The following FNDC3B variants were observed in gnomAD, a reference collection of about 807,000 sequenced individuals.
FNDC3B encodes the protein fibronectin type III domain-containing protein 3B.
A neutral mutation model predicts 151.5 loss-of-function variants in FNDC3B; 12 were observed. The observed-to-expected ratio is 0.08, with a 90% CI of 0.05 to 0.13. FNDC3B has a LOEUF of 0.13. FNDC3B is among the 10% of genes least tolerant of loss of function. FNDC3B has a pLI of 1.00. For synonymous variants in FNDC3B, 528 were observed against 549.0 expected (o/e 0.96, Z 0.54); for missense variants, 1,214 against 1,505.3 (o/e 0.81, Z 3.20).
chr3:172,244,619 T>G (rs1281550053), intron 4 of FNDC3B, among the ~76,000 whole-genome samples: 6 of 47,140 alleles, frequency 1.3e-4, no homozygotes, highest in African/African-American at 7.9e-4. Flanking sequence ...TATTTCACCT[T>G]TTTTTTTTTT....
chr3:172,043,131 G>A (rs1351591721), intron 1 of FNDC3B, among the ~76,000 whole-genome samples: 3 of 152,074 alleles, frequency 2.0e-5, no homozygotes, highest in African/African-American at 4.8e-5. Flanking sequence ...TAGCCAGGCT[G>A]GTCACGAACT....
chr3:172,307,673 A>C (rs1054910718), intron 10 of FNDC3B, among the ~76,000 whole-genome samples, 172 bp downstream of exon 10: 48 of 152,190 alleles, frequency 3.2e-4, no homozygotes, highest in Non-Finnish European at 2.2e-4. Context: ...CACCCTGGGC[A>C]ACAGAGAAAG....
intron 3 of FNDC3B, among the ~76,000 whole-genome samples, chr3:172,146,306 A>T (rs1268890755): frequency 3.3e-5 from 5 of 152,186 alleles, no homozygotes; most frequent in Non-Finnish European, 7.3e-5. Context: ...CCCAAGGAAA[A>T]GGACATGTCT....
chr3:172,173,438 G>A (rs1394758123), intron 3 of FNDC3B, among the ~76,000 whole-genome samples: 1 of 152,078 alleles, frequency 6.6e-6, no homozygotes, highest in Admixed American at 6.6e-5. Context: ...TGAAGTCACT[G>A]CTTGTAAGAG....
chr3:172,297,838 A>G (rs1259233033), intron 8 of FNDC3B, among the ~76,000 whole-genome samples: 1 of 152,206 alleles, frequency 6.6e-6, no homozygotes, highest in Non-Finnish European at 1.5e-5. Flanking sequence ...TATTTCCTAT[A>G]AGAATTTTTT....
At chr3:172,120,429 C>T (rs1720474866) in intron 2 of FNDC3B, among the ~76,000 whole-genome samples, 1 of 152,138 alleles carries the variant, frequency 6.6e-6, no homozygotes, top group African/African-American at 2.4e-5. Context: ...CTGTCCCTCT[C>T]TTGTTCATGC....
At chr3:172,071,893 T>C (rs1021136296) in intron 1 of FNDC3B, among the ~76,000 whole-genome samples, 1 of 151,910 alleles carries the variant, frequency 6.6e-6, no homozygotes, top group Non-Finnish European at 1.5e-5. Flanking sequence ...GTTTTACAGA[T>C]AGAAACTGAG....
intron 23 of FNDC3B, among the ~76,000 whole-genome samples, chr3:172,376,283 T>C (rs1173158545): frequency 6.6e-6 from 1 of 152,226 alleles, no homozygotes; most frequent in African/African-American, 2.4e-5. Flanking sequence ...TCAGTAAATT[T>C]CTTTGTGACT....
At chr3:172,216,671 T>C (rs549043156) in intron 3 of FNDC3B, among the ~76,000 whole-genome samples, 2 of 152,276 alleles carry the variant, frequency 1.3e-5, no homozygotes, top group African/African-American at 4.8e-5. Flanking sequence ...AGACCCTGTC[T>C]CAAAATAAAT....
At position 172,161,932 on chromosome 3, in the gene FNDC3B, G is replaced by A. The variant is rs1576921459; in HGVS notation, c.187+28386G>A. 2.6e-5 allele frequency among the ~76,000 whole-genome samples: 4 copies of A among 151,664 alleles called. No individual in the cohort carries two copies. The South Asian group carries it at 8.3e-4, about 32-fold the overall frequency. Reference sequence around the variant, plus strand: ...CTTATTCTGTCTGGACATTTCAGTGGAATCATATAGTATGTGGTATTTTGT... The same window carrying A: ...CTTATTCTGTCTGGACATTTCAGTGAAATCATATAGTATGTGGTATTTTGT... On this transcript the variant is annotated intron_variant, in intron 3 of 25. Transcript: ENST00000415807.
chr3:172,108,873 A>G (rs1719815350), intron 1 of FNDC3B, among the ~76,000 whole-genome samples: 1 of 152,206 alleles, frequency 6.6e-6, no homozygotes, highest in South Asian at 2.1e-4. Context: ...AGCATAGACT[A>G]AGTCATTTCT....
chr3:172,364,468 C>T (rs1028993347), intron 23 of FNDC3B, among the ~76,000 whole-genome samples: 1 of 152,204 alleles, frequency 6.6e-6, no homozygotes, highest in African/African-American at 2.4e-5. Flanking sequence ...CTCCCAATTC[C>T]CCGTGCCCTG....
At chr3:172,333,303 A>G (rs1429392788) in intron 14 of FNDC3B, 128 bp downstream of exon 14, 49 of 665,988 alleles carry the variant, frequency 7.4e-5, no homozygotes, top group Non-Finnish European at 5.9e-5. Context: ...TTTGAAAGTA[A>G]CATTTATAAA....
intron 3 of FNDC3B, among the ~76,000 whole-genome samples, chr3:172,177,799 A>G (rs1723687435): frequency 6.6e-6 from 1 of 151,924 alleles, no homozygotes; most frequent in African/African-American, 2.4e-5. Context: ...CCCATCGCCT[A>G]GGTATTAAGC....
intron 3 of FNDC3B, among the ~76,000 whole-genome samples, chr3:172,182,871 G>A (rs1014698935): frequency 2.6e-5 from 4 of 152,200 alleles, no homozygotes; most frequent in Non-Finnish European, 5.9e-5. Context: ...GGGAGTAAAA[G>A]GAACTCTGAG....
chr3:172,144,136 G>A (rs774912438), intron 3 of FNDC3B, among the ~76,000 whole-genome samples: 24 of 152,078 alleles, frequency 1.6e-4, no homozygotes, highest in Non-Finnish European at 2.9e-4. Context: ...GACAGAAGAC[G>A]AAGGGGAGCC....
chr3:172,235,090 C>CGA (rs1380052267), intron 4 of FNDC3B, among the ~76,000 whole-genome samples: 1 of 151,890 alleles, frequency 6.6e-6, no homozygotes, highest in African/African-American at 2.4e-5. Flanking sequence ...CCAGTTTTTT[C>CGA]AAAACTGGTC....
chr3:172,326,153 T>C (rs181560456), intron 11 of FNDC3B, among the ~76,000 whole-genome samples: 1 of 152,378 alleles, frequency 6.6e-6, no homozygotes, highest in Non-Finnish European at 1.5e-5. Flanking sequence ...TTAAACTTCA[T>C]GTTATACATG....
chr3:172,043,403 A>G (rs62283763), intron 1 of FNDC3B, among the ~76,000 whole-genome samples: 11 of 152,082 alleles, frequency 7.2e-5, no homozygotes, highest in Admixed American at 5.2e-4. Context: ...GTGCAGCGGC[A>G]TGATCACTGG....
Sources: gnomAD v4.1 joint callset for allele counts (sites outside exome capture counted in the v4.1 genomes callset) on GRCh38, gnomAD v4.1.1 for gene constraint, MANE v1.5 for transcripts, NCBI Gene and HGNC (gene_info 2026-07-23, HGNC 2026-07-21) for gene names.